Variants in PRKD1 observed in about 807,000 individuals in gnomAD.
The protein encoded by PRKD1 is protein kinase D1, also known as serine/threonine-protein kinase D1.
In PRKD1, 63 loss-of-function variants were observed where a neutral mutation model predicts 95.9. That is an observed-to-expected ratio of 0.66 (90% confidence interval 0.54 to 0.81). The LOEUF (loss-of-function observed/expected upper bound fraction) is 0.81, where lower values mean the gene tolerates loss of function less well. Ranked by LOEUF, PRKD1 falls within the 30% of genes least tolerant of loss-of-function variation. PRKD1 has a pLI of 0.00. For synonymous variants in PRKD1, 425 were observed against 423.1 expected, an observed-to-expected ratio of 1.00 and a Z score of -0.05; for missense variants, 1,048 against 1,165.3, an observed-to-expected ratio of 0.90 and a Z score of 1.47.
At chr14:29,761,507 A>G (rs1408759976) in intron 1 of PRKD1, among the ~76,000 whole-genome samples, 1 of 152,174 alleles carries the variant, frequency 6.6e-6, no homozygotes, top group Non-Finnish European at 1.5e-5. Flanking sequence ...GTATCTGCTG[A>G]GATAGATGAG....
At position 29,647,635 on chromosome 14, in the gene PRKD1, T is replaced by C. The variant is rs140202276; in HGVS notation, c.697-8731A>G. Among the ~76,000 whole-genome samples the C allele has an allele frequency of 8.5e-3, 1,296 of 152,316 alleles. 20 individuals carry two copies. The highest frequency in any genetic ancestry group is 0.03 in the African/African-American group (1,235 of 41,560). On this transcript the variant is annotated intron_variant, in intron 4 of 17. Coordinates refer to ENST00000331968, the MANE Select transcript of PRKD1 (RefSeq NM_002742.3). ...GTCTGAAAAGAGACTGTGACACTGATTACTACTGCCTTGGAGACACCAAGC... is the reference window on the plus strand; with the variant it reads ...GTCTGAAAAGAGACTGTGACACTGACTACTACTGCCTTGGAGACACCAAGC...
intron 1 of PRKD1, among the ~76,000 whole-genome samples, chr14:29,888,059 G>A (rs1893795257): frequency 1.3e-5 from 2 of 152,158 alleles, no homozygotes; most frequent in South Asian, 2.1e-4. Context: ...CCAGCTCTTT[G>A]GGAGGTTGAG....
At chr14:29,696,117 G>T (rs1014255700) in intron 2 of PRKD1, among the ~76,000 whole-genome samples, 7 of 152,096 alleles carry the variant, frequency 4.6e-5, no homozygotes, top group African/African-American at 1.4e-4. Flanking sequence ...TCAGCAAATC[G>T]CATGTTAGAG....
chr14:29,677,291 G>C (rs2139255510), intron 2 of PRKD1, among the ~76,000 whole-genome samples: 1 of 152,208 alleles, frequency 6.6e-6, no homozygotes, highest in East Asian at 1.9e-4. Flanking sequence ...CTGAAAATGA[G>C]TGCTATTATT....
At position 29,620,769 on chromosome 14, in the gene PRKD1, G is replaced by A. The variant is rs368289948; in HGVS notation, c.1905+3383C>T. 2.4e-3 allele frequency among the ~76,000 whole-genome samples: 368 copies of A among 152,270 alleles called. 1 individual carries two copies. The highest frequency in any genetic ancestry group is 0.01 in the Middle Eastern group (3 of 294). On this transcript the variant is annotated intron_variant, in intron 13 of 17. Transcript: ENST00000331968. ...CAACCACTGTGGAAGTCAGTGTGGC[G>A]ATTCCTCAGGGATCTAGAAGTAGAA...
intron 1 of PRKD1, among the ~76,000 whole-genome samples, chr14:29,871,000 A>C (rs1255812646): frequency 6.6e-6 from 1 of 152,216 alleles, no homozygotes; most frequent in African/African-American, 2.4e-5. Context: ...CTATTTCACA[A>C]ACACTTAGAG....
At chr14:29,880,891 GA>G (rs1260485647) in intron 1 of PRKD1, among the ~76,000 whole-genome samples, 5 of 152,274 alleles carry the variant, frequency 3.3e-5, no homozygotes, top group African/African-American at 1.2e-4. Context: ...TCTCCATTTG[GA>G]ATGGCTGTAT....
In PRKD1 at chr14:29,927,679, A is replaced by T; in HGVS notation, c.-167T>A. 1 of 215,888 alleles carries T rather than the reference A, an allele frequency of 4.6e-6. No homozygotes were observed. The highest frequency in any genetic ancestry group is 8.0e-6 in the Non-Finnish European group (1 of 124,438). 13.4% of individuals were successfully genotyped at this position (215,888 alleles called of 1,614,324 possible). On this transcript the variant is annotated 5_prime_UTR_variant, in exon 1 of 18. Coordinates refer to ENST00000331968, the MANE Select transcript of PRKD1 (RefSeq NM_002742.3). ...GCTGGGGGAGGGCAAGGGGATGAGG[A>T]TCGGGAGGGGAGGGGACTAAGGGGA... is the stretch of plus-strand genomic sequence containing the variant.
At chr14:29,887,878 C>T (rs1474954010) in intron 1 of PRKD1, among the ~76,000 whole-genome samples, 1 of 152,138 alleles carries the variant, frequency 6.6e-6, no homozygotes, top group African/African-American at 2.4e-5. Flanking sequence ...ATGGCATTCA[C>T]ACAACAAAAA....
Position 29,886,889 on chromosome 14 carries a change from G to A in PRKD1, c.264+40360C>T, listed in dbSNP as rs571787721. 8.5e-5 allele frequency among the ~76,000 whole-genome samples: 13 copies of A among 152,252 alleles called. No individual in the cohort carries two copies. The South Asian group carries it at 1.0e-3, about 12-fold the overall frequency. On this transcript the variant is annotated intron_variant, in intron 1 of 17. Coordinates refer to ENST00000331968, the MANE Select transcript of PRKD1 (RefSeq NM_002742.3). Reference sequence around the variant, plus strand: ...ATCCAGCTTGGTATGTGAGCCTAACGAGAAAACATGAATTGTAATTGTTCT... The same window carrying A: ...ATCCAGCTTGGTATGTGAGCCTAACAAGAAAACATGAATTGTAATTGTTCT...
At chr14:29,683,129 G>A (rs1883628570) in intron 2 of PRKD1, among the ~76,000 whole-genome samples, 2 of 152,142 alleles carry the variant, frequency 1.3e-5, no homozygotes, top group Admixed American at 1.3e-4. Context: ...TAGAGAGGAA[G>A]GATTGCAGAG....
At chr14:29,610,978 A>G (rs939892041) in intron 13 of PRKD1, among the ~76,000 whole-genome samples, 1 of 152,244 alleles carries the variant, frequency 6.6e-6, no homozygotes, top group African/African-American at 2.4e-5. Flanking sequence ...CTGACAACAG[A>G]AAGATCAGTG....
chr14:29,733,648 C>G (rs868697408), intron 1 of PRKD1, among the ~76,000 whole-genome samples: 36 of 152,154 alleles, frequency 2.4e-4, no homozygotes, highest in Non-Finnish European at 1.2e-4. Context: ...AAGGGAAGAA[C>G]CTTTATAAAA....
intron 2 of PRKD1, among the ~76,000 whole-genome samples, chr14:29,674,671 G>A (rs1053580756): frequency 3.9e-5 from 6 of 152,202 alleles, no homozygotes. Context: ...ATCGTGTACA[G>A]GAGGCTTTAT....
chr14:29,761,679 T>C lies in PRKD1; in HGVS notation c.265-36005A>G, dbSNP rs45563734. Among the ~76,000 whole-genome samples the C allele has an allele frequency of 4.1e-3, 629 of 152,208 alleles. 10 individuals carry two copies. Among genetic ancestry groups the C allele is most frequent in the African/African-American group, 0.014 (589 of 41,548 alleles). ...AATAAGTAAAAAAGAGAGCACAGTA[T>C]ACAATTTTTAGAAAAGCATCCTCCC... On this transcript the variant is annotated intron_variant, in intron 1 of 17. Transcript: ENST00000331968.
intron 16 of PRKD1, among the ~76,000 whole-genome samples, chr14:29,583,582 T>C (rs1005833086): frequency 7.9e-5 from 12 of 152,208 alleles, no homozygotes; most frequent in African/African-American, 2.9e-4. Context: ...AATTTTATTA[T>C]CTTTATTCAT....
intron 1 of PRKD1, among the ~76,000 whole-genome samples, chr14:29,780,124 T>C (rs1210494504): frequency 1.3e-5 from 2 of 152,154 alleles, no homozygotes; most frequent in Admixed American, 1.3e-4. Context: ...TTACACCTTT[T>C]ACAAAAATTA....
chr14:29,721,671 C>G (rs1885904169), intron 2 of PRKD1, among the ~76,000 whole-genome samples: 1 of 151,546 alleles, frequency 6.6e-6, no homozygotes, highest in East Asian at 1.9e-4. Flanking sequence ...GAACTTCACT[C>G]TGGTAAAAAA....
chr14:29,829,155 G>A (rs1056108889), intron 1 of PRKD1, among the ~76,000 whole-genome samples: 1 of 152,118 alleles, frequency 6.6e-6, no homozygotes, highest in African/African-American at 2.4e-5. Context: ...CTTTGGATGA[G>A]TCCAGCCCCA....
Sources: gnomAD v4.1 joint callset for allele counts (sites outside exome capture counted in the v4.1 genomes callset) on GRCh38, gnomAD v4.1.1 for gene constraint, MANE v1.5 for transcripts, NCBI Gene and HGNC (gene_info 2026-07-23, HGNC 2026-07-21) for gene names.